The following LIMA1 variants were observed in gnomAD, a reference collection of about 807,000 sequenced individuals.
The protein encoded by LIMA1 is LIM domain and actin binding 1.
Under a neutral mutation model 62.6 loss-of-function variants are expected in LIMA1, and 52 were observed. The observed-to-expected ratio is 0.83, with a 90% confidence interval of 0.67 to 1.05. The LOEUF is 1.05. Ranked by LOEUF, LIMA1 falls within the 50% of genes least tolerant of loss-of-function variation. The probability of loss-of-function intolerance (pLI) is 0.00; values close to 1 mark genes in which losing one functional copy is unlikely to be tolerated. For synonymous variants in LIMA1, 302 were observed against 317.8 expected (o/e 0.95, Z 0.53); for missense variants, 780 against 902.2 (o/e 0.86, Z 1.74).
At chr12:50,267,960 T>A (rs568807561) in intron 1 of LIMA1, among the ~76,000 whole-genome samples, 1 of 152,180 alleles carries the variant, frequency 6.6e-6, no homozygotes, top group African/African-American at 2.4e-5. Context: ...CGGCCACATT[T>A]ATTTTTTTAA....
At chr12:50,191,204 C>T (rs537153168) in intron 9 of LIMA1, 2 of 151,812 alleles carry the variant, frequency 1.3e-5, no homozygotes, top group South Asian at 2.1e-4. Context: ...CACATCTCGT[C>T]CAATGTGCTG....
At chr12:50,192,322 G>T in intron 9 of LIMA1, 130 bp downstream of exon 9, 2 of 710,150 alleles carry the variant, frequency 2.8e-6, no homozygotes, top group South Asian at 1.7e-5. Context: ...GCTTCAGTGT[G>T]CTCTTCTGTG....
At chr12:50,260,304 T>C (rs141831816) in intron 1 of LIMA1, among the ~76,000 whole-genome samples, 2,976 of 152,170 alleles carry the variant, frequency 0.02, 92 homozygotes, top group African/African-American at 0.068. Context: ...CTCACCACCA[T>C]ACCCGGCTAA....
chr12:50,263,826 T>TATAGAGAGAGTATATATATAG (rs1565862929), intron 1 of LIMA1, among the ~76,000 whole-genome samples: 15 of 121,980 alleles, frequency 1.2e-4, no homozygotes, highest in African/African-American at 4.3e-4. Flanking sequence ...TATATATATA[T>TATAGAGAGAGTATATATATAG]AGAGAGAGTA....
chr12:50,278,866 G>A (rs902263502), intron 1 of LIMA1, among the ~76,000 whole-genome samples: 1 of 152,160 alleles, frequency 6.6e-6, no homozygotes, highest in Non-Finnish European at 1.5e-5. Context: ...GTGTTTATGT[G>A]AGTGTGTGTA....
rs191291828 is a variant in LIMA1 at position 50,229,213 on chromosome 12, T to C, written c.165+2452A>G. On this transcript the variant is annotated intron_variant, in intron 3 of 10. Transcript: ENST00000341247. ...CTACATTCTCTTCCTTCTATTTTTT[T>C]ACATTTAAAAAATAGAGATACAGGG... 1.0e-3 allele frequency among the ~76,000 whole-genome samples: 152 copies of C among 152,298 alleles called. 2 individuals are homozygous for C. The East Asian group carries it at 0.025, about 25-fold the overall frequency.
At chr12:50,183,026 A>AC (rs552270843) in intron 9 of LIMA1, among the ~76,000 whole-genome samples, 15 of 152,072 alleles carry the variant, frequency 9.9e-5, no homozygotes, top group Non-Finnish European at 2.1e-4. Flanking sequence ...ACATGGTGAA[A>AC]CCCCGTCTCC....
intron 1 of LIMA1, among the ~76,000 whole-genome samples, chr12:50,268,927 G>C (rs936080208): frequency 2.0e-5 from 3 of 152,092 alleles, no homozygotes; most frequent in Non-Finnish European, 4.4e-5. Context: ...GGGCTGTCTG[G>C]ACCGGTCTTA....
chr12:50,218,548 C>T (rs1565845625), intron 4 of LIMA1, among the ~76,000 whole-genome samples: 1 of 152,182 alleles, frequency 6.6e-6, no homozygotes, highest in Non-Finnish European at 1.5e-5. Flanking sequence ...TGGCGTGCTT[C>T]TTCCCTGTCT....
At chr12:50,246,385 A>T (rs1941849868) in intron 2 of LIMA1, among the ~76,000 whole-genome samples, 1 of 152,130 alleles carries the variant, frequency 6.6e-6, no homozygotes. Context: ...TGTGCAGGAC[A>T]GGGAGTTTCC....
intron 9 of LIMA1, chr12:50,188,291 CA>C (rs1386916100): frequency 1.1e-4 from 17 of 152,116 alleles, no homozygotes; most frequent in Admixed American, 1.1e-3. Context: ...AGTGGAGAAA[CA>C]ACTTCTGTTC....
chr12:50,177,810 C>T lies in LIMA1; in HGVS notation c.1534G>A (p.Ala512Thr), dbSNP rs765482409. 2.5e-6 allele frequency: 4 copies of T among 1,613,798 alleles called. No homozygotes were observed. The South Asian group carries it at 3.3e-5, about 13-fold the overall frequency. ...GVLAASMEAK[A>T]SSQQEKEDKP... ...TCTTCCTTCTCCTGCTGAGAGGAGG[C>T]CTTGGCTTCCATACTTGCAGCCAGG... is the stretch of plus-strand genomic sequence containing the variant. The change falls in exon 11 of 11, where the codon GCC becomes ACC. Residue 512 changes from alanine (A) to threonine (T), a missense_variant. By Grantham distance (58) the Ala-to-Thr change is moderately conservative (BLOSUM62 0). Coordinates refer to ENST00000341247, the MANE Select transcript of LIMA1 (RefSeq NM_016357.5).
rs560447031 is a variant in LIMA1 at position 50,241,647 on chromosome 12, A to C, written c.119+6986T>G. Among the ~76,000 whole-genome samples, 160 of 152,036 alleles carry C rather than the reference A, an allele frequency of 1.1e-3. 1 individual carries two copies. The highest frequency in any genetic ancestry group is 1.4e-3 in the Non-Finnish European group (96 of 67,956). ...TAATGAAGTTCCTGCTAAATAGTAGATAACAGGGAGAAAGGCTCTACACCA... is the reference window on the plus strand; with the variant it reads ...TAATGAAGTTCCTGCTAAATAGTAGCTAACAGGGAGAAAGGCTCTACACCA... On this transcript the variant is annotated intron_variant, in intron 2 of 10. Transcript: ENST00000341247.
At chr12:50,238,242 C>T (rs1941723870) in intron 2 of LIMA1, among the ~76,000 whole-genome samples, 1 of 152,104 alleles carries the variant, frequency 6.6e-6, no homozygotes, top group Non-Finnish European at 1.5e-5. Flanking sequence ...CATGGTGGCT[C>T]ACACCTGTAA....
intron 4 of LIMA1, 86 bp from the exon 5 acceptor site, chr12:50,206,154 T>C (rs1941148855): frequency 2.1e-6 from 2 of 974,894 alleles, no homozygotes; most frequent in Admixed American, 2.2e-5. Context: ...TCTTTATAAA[T>C]AAAATCCAGA....
chr12:50,243,844 C>T (rs1223412373), intron 2 of LIMA1, among the ~76,000 whole-genome samples: 1 of 152,138 alleles, frequency 6.6e-6, no homozygotes, highest in African/African-American at 2.4e-5. Flanking sequence ...GTTTTCTCAA[C>T]TATAAAAGAG....
intron 1 of LIMA1, among the ~76,000 whole-genome samples, chr12:50,260,309 G>C (rs189521800): frequency 1.3e-5 from 2 of 152,058 alleles, no homozygotes; most frequent in African/African-American, 4.8e-5. Context: ...CACCATACCC[G>C]GCTAAGTTTT....
At chr12:50,197,073 CTTT>C (rs34487829) in intron 7 of LIMA1, among the ~76,000 whole-genome samples, 5 of 132,376 alleles carry the variant, frequency 3.8e-5, no homozygotes, top group Admixed American at 7.8e-5. Context: ...GTAATCTTTG[CTTT>C]TTTTTTTTTT....
chr12:50,231,867 G>C (rs966342030), intron 2 of LIMA1, among the ~76,000 whole-genome samples, 157 bp from the exon 3 acceptor site: 1 of 151,772 alleles, frequency 6.6e-6, no homozygotes, highest in Non-Finnish European at 1.5e-5. Context: ...TCCCGGGTTC[G>C]AGTGATTCTC....
Sources: gnomAD v4.1 joint callset for allele counts (sites outside exome capture counted in the v4.1 genomes callset) on GRCh38, gnomAD v4.1.1 for gene constraint, MANE v1.5 for transcripts, NCBI Gene and HGNC (gene_info 2026-07-23, HGNC 2026-07-21) for gene names.